The following CNTN4 variants were observed in gnomAD, a reference collection of about 807,000 sequenced individuals.
The protein encoded by CNTN4 is contactin-4.
Under a neutral mutation model 122.5 loss-of-function variants are expected in CNTN4, and 77 were observed. The ratio of observed to expected loss-of-function variants is 0.63; its 90% CI spans 0.52 to 0.76. CNTN4 has a LOEUF of 0.76. Ranked by LOEUF, CNTN4 falls within the 30% of genes least tolerant of loss-of-function variation. CNTN4 has a pLI of 0.00. For missense variants in CNTN4, 1,256 were observed against 1,259.1 expected (o/e 1.00, Z 0.04); for synonymous variants, 512 against 447.0 (o/e 1.15, Z -1.83).
At chr3:2,424,800 A>C (rs370504403) in intron 3 of CNTN4, among the ~76,000 whole-genome samples, 1 of 152,110 alleles carries the variant, frequency 6.6e-6, no homozygotes, top group Non-Finnish European at 1.5e-5. Flanking sequence ...TTTGATTTGC[A>C]TTTCTCTGAT....
intron 3 of CNTN4, among the ~76,000 whole-genome samples, chr3:2,352,126 C>T (rs953730759): frequency 2.0e-5 from 3 of 152,184 alleles, no homozygotes; most frequent in Non-Finnish European, 2.9e-5. Context: ...TGCGGTTGCT[C>T]ATGCCTGTAA....
intron 2 of CNTN4, among the ~76,000 whole-genome samples, chr3:2,137,670 CA>C (rs1487258388): frequency 6.6e-6 from 1 of 152,122 alleles, no homozygotes; most frequent in African/African-American, 2.4e-5. Context: ...ATGGCTTTTT[CA>C]CAAGTGACAG....
chr3:2,946,498 C>T (rs1191422146), intron 13 of CNTN4, among the ~76,000 whole-genome samples: 1 of 152,056 alleles, frequency 6.6e-6, no homozygotes, highest in Non-Finnish European at 1.5e-5. Context: ...TATTTAGAAT[C>T]CCACCAGAAG....
intron 3 of CNTN4, among the ~76,000 whole-genome samples, chr3:2,515,073 C>G (rs551509840): frequency 6.6e-6 from 1 of 152,038 alleles, no homozygotes. Context: ...AAACGAGGTT[C>G]GGATTGTCTG....
At chr3:2,455,407 T>C (rs1240126816) in intron 3 of CNTN4, among the ~76,000 whole-genome samples, 2 of 152,094 alleles carry the variant, frequency 1.3e-5, no homozygotes, top group Admixed American at 1.3e-4. Flanking sequence ...AATAAAGTGC[T>C]GAAAGTACAG....
In CNTN4 at chr3:2,373,593, CA is replaced by C. The variant is rs747296167; in HGVS notation, c.-89+34363del. ...TAAGAATCTAGTTTTCAGCATTAGG[CA>C]AATGCTTCTGGTACAAGCATGTATT... On this transcript the variant is annotated intron_variant, in intron 3 of 24. Transcript: ENST00000418658. Among the ~76,000 whole-genome samples the C allele has an allele frequency of 1.6e-3, 248 of 152,308 alleles. 1 individual carries two copies. Among genetic ancestry groups the C allele is most frequent in the Middle Eastern group, 3.4e-3 (1 of 294 alleles).
Position 2,849,994 on chromosome 3 carries a change from T to TTTTTTTTTTTTTTTTTTTTTG in CNTN4, c.455-16758_455-16757insTTTTTTTTTTTTTTTTTTTTG, listed in dbSNP as rs2093520853. ...GAAAATGTTAGCAATCACTTTTTTT[T>TTTTTTTTTTTTTTTTTTTTTG]CTTTTTTTTTTCTGAGACGGAGTCT... is the stretch of plus-strand genomic sequence containing the variant. On this transcript the variant is annotated intron_variant, in intron 7 of 24. Transcript: ENST00000418658. 1.3e-5 allele frequency among the ~76,000 whole-genome samples: 2 copies of TTTTTTTTTTTTTTTTTTTTTG among 149,012 alleles called. 1 individual carries two copies.
intron 3 of CNTN4, among the ~76,000 whole-genome samples, chr3:2,547,062 G>C (rs761554520): frequency 6.6e-6 from 1 of 151,928 alleles, no homozygotes; most frequent in Admixed American, 6.6e-5. Flanking sequence ...CCACAGATTC[G>C]ATGTAGGTGA....
intron 4 of CNTN4, among the ~76,000 whole-genome samples, chr3:2,574,403 C>T (rs910519109): frequency 6.6e-6 from 1 of 152,008 alleles, no homozygotes; most frequent in Admixed American, 6.5e-5. Flanking sequence ...TGATCTTTTT[C>T]TTCCCCAAGT....
At chr3:2,296,548 A>G (rs1014186681) in intron 2 of CNTN4, among the ~76,000 whole-genome samples, 13 of 152,176 alleles carry the variant, frequency 8.5e-5, no homozygotes, top group African/African-American at 2.9e-4. Context: ...TTGAGTACTA[A>G]CTGGAGGAGA....
At chr3:2,634,626 C>T (rs943563558) in intron 4 of CNTN4, among the ~76,000 whole-genome samples, 33 of 149,758 alleles carry the variant, frequency 2.2e-4, no homozygotes, top group Admixed American at 1.0e-3. Flanking sequence ...GTCAGGAGAT[C>T]GAGACCATCC....
intron 4 of CNTN4, among the ~76,000 whole-genome samples, chr3:2,572,067 G>A (rs1212543635): frequency 1.3e-5 from 2 of 152,114 alleles, no homozygotes; most frequent in Non-Finnish European, 2.9e-5. Context: ...ATATACTCAT[G>A]GCCAACTACT....
At chr3:2,401,887 G>A (rs1446331303) in intron 3 of CNTN4, among the ~76,000 whole-genome samples, 3 of 152,138 alleles carry the variant, frequency 2.0e-5, no homozygotes, top group Non-Finnish European at 4.4e-5. Flanking sequence ...TCCTACAAAA[G>A]CAATTTTGTT....
intron 2 of CNTN4, among the ~76,000 whole-genome samples, chr3:2,132,066 C>T (rs1265334521): frequency 6.6e-6 from 1 of 152,162 alleles, no homozygotes; most frequent in Non-Finnish European, 1.5e-5. Context: ...CATAAGGAGC[C>T]TTGCAGTGTC....
chr3:2,693,025 C>T (rs755885275), intron 4 of CNTN4, among the ~76,000 whole-genome samples: 2 of 151,996 alleles, frequency 1.3e-5, no homozygotes, highest in Non-Finnish European at 2.9e-5. Context: ...GAGATGCTAC[C>T]TTCATGATTT....
intron 2 of CNTN4, among the ~76,000 whole-genome samples, chr3:2,195,319 C>T (rs998629934): frequency 1.3e-5 from 2 of 152,180 alleles, no homozygotes; most frequent in East Asian, 1.9e-4. Context: ...TATCTGTTCA[C>T]CCATTGATGG....
chr3:2,521,343 T>TCCCCCCCCCCCCCCCCCCCCCCCC (rs5846190), intron 3 of CNTN4, among the ~76,000 whole-genome samples: 1 of 128,308 alleles, frequency 7.8e-6, no homozygotes, highest in African/African-American at 3.1e-5. Flanking sequence ...CCTCTACCCA[T>TCCCCCCCCCCCCCCCCCCCCCCCC]CCCCCCCACC....
intron 2 of CNTN4, among the ~76,000 whole-genome samples, chr3:2,332,707 T>C (rs886738750): frequency 1.6e-5 from 2 of 124,104 alleles, no homozygotes; most frequent in East Asian, 5.5e-4. Flanking sequence ...AACATCACAC[T>C]CTGGGGACTG....
rs940395723 is a variant in CNTN4 at position 2,841,498 on chromosome 3, C to G, written c.454+21917C>G. On this transcript the variant is annotated intron_variant, in intron 7 of 24. Coordinates refer to ENST00000418658, the MANE Select transcript of CNTN4 (RefSeq NM_175607.3). The surrounding 1 kb of genome is among the most constrained non-coding windows in gnomAD (Gnocchi z 4.8). The stretch of plus-strand genomic sequence containing the variant: ...ATCTACAGATTTATGAAGACCGAGT[C>G]AAGGGTTCCATTTGTAGCCATCAAT... 6.6e-6 allele frequency among the ~76,000 whole-genome samples: 1 copy of G among 152,176 alleles called. No homozygotes were observed. Among genetic ancestry groups the G allele is most frequent in the African/African-American group, 2.4e-5 (1 of 41,450 alleles).
Sources: allele counts gnomAD v4.1 joint callset (sites outside exome capture counted in the v4.1 genomes callset), GRCh38; gene constraint gnomAD v4.1.1; non-coding constraint Gnocchi (gnomAD v3.1); transcripts MANE v1.5; gene names NCBI Gene and HGNC (gene_info 2026-07-23, HGNC 2026-07-21).